DPP10: variants seen among roughly 807,000 people sequenced by gnomAD.
DPP10 encodes the protein dipeptidyl peptidase like 10.
In DPP10, 33 loss-of-function variants were observed where a neutral mutation model predicts 120.9. The ratio of observed to expected loss-of-function variants is 0.27; its 90% CI spans 0.21 to 0.37. The LOEUF is 0.37. DPP10 is among the 10% of genes least tolerant of loss of function. DPP10 has a pLI of 1.00. For missense variants in DPP10, 816 were observed against 942.8 expected, an observed-to-expected ratio of 0.87 and a Z score of 1.76; for synonymous variants, 337 against 326.1, an observed-to-expected ratio of 1.03 and a Z score of -0.36.
intron 1 of DPP10, among the ~76,000 whole-genome samples, chr2:114,497,230 C>T (rs181895673): frequency 1.4e-4 from 20 of 147,084 alleles, no homozygotes; most frequent in South Asian, 6.4e-4. Flanking sequence ...TATGCATGTA[C>T]GTGCGTATAC....
intron 1 of DPP10, among the ~76,000 whole-genome samples, chr2:115,017,427 CTGTGG>C: frequency 6.6e-6 from 1 of 152,042 alleles, no homozygotes. Context: ...GGTTCAACCA[CTGTGG>C]AAGAAAGTGT....
intron 1 of DPP10, among the ~76,000 whole-genome samples, chr2:114,729,769 C>T (rs908957151): frequency 6.6e-6 from 1 of 152,304 alleles, no homozygotes; most frequent in Non-Finnish European, 1.5e-5. Flanking sequence ...GGAACACGTC[C>T]TCAAACAATA....
At chr2:115,380,648 C>G (rs533326355) in intron 3 of DPP10, among the ~76,000 whole-genome samples, 41 of 140,338 alleles carry the variant, frequency 2.9e-4, no homozygotes, top group African/African-American at 9.0e-4. Flanking sequence ...TTCCTAGTCT[C>G]GATGGTCTTT....
chr2:115,133,145 G>GTGTGTGTA (rs1338395575), intron 1 of DPP10, among the ~76,000 whole-genome samples: 2 of 28,772 alleles, frequency 7.0e-5, no homozygotes, highest in African/African-American at 1.3e-4. Context: ...GTGTGTGTGT[G>GTGTGTGTA]TATATATATA....
chr2:114,456,548 A>T (rs1390155045), intron 1 of DPP10, among the ~76,000 whole-genome samples: 1 of 152,216 alleles, frequency 6.6e-6, no homozygotes, highest in Admixed American at 6.5e-5. Context: ...ACAGTCCTAT[A>T]AGACACACAT....
At chr2:115,660,494 C>T (rs1036891215) in intron 5 of DPP10, among the ~76,000 whole-genome samples, 13 of 152,024 alleles carry the variant, frequency 8.6e-5, no homozygotes, top group Non-Finnish European at 1.8e-4. Flanking sequence ...AAATAGAGCA[C>T]TTGGAACAGA....
chr2:114,649,410 G>A (rs1185926853), intron 1 of DPP10, among the ~76,000 whole-genome samples: 2 of 151,270 alleles, frequency 1.3e-5, no homozygotes, highest in Non-Finnish European at 2.9e-5. Flanking sequence ...GTGCAGTGGC[G>A]AGATCTCGGC....
At chr2:114,616,409 C>T (rs1693679434) in intron 1 of DPP10, among the ~76,000 whole-genome samples, 1 of 151,994 alleles carries the variant, frequency 6.6e-6, no homozygotes, top group South Asian at 2.1e-4. Flanking sequence ...CTACCATTTG[C>T]CAGGACAAGA....
Position 115,689,747 on chromosome 2 carries a change from C to T in DPP10, c.494+8C>T, listed in dbSNP as rs1335775320. On this transcript the variant is annotated splice_region_variant and intron_variant, in intron 6 of 25. Coordinates refer to ENST00000410059, the MANE Select transcript of DPP10 (RefSeq NM_020868.6). Reference sequence around the variant, plus strand: ...TTACAACATACACACTAGGTAAGTTCTTTGATTTTCTAGTTTTCATGAGCA... The same window carrying T: ...TTACAACATACACACTAGGTAAGTTTTTTGATTTTCTAGTTTTCATGAGCA... 6.2e-7 allele frequency: 1 copy of T among 1,603,208 alleles called. No homozygotes were observed. The highest frequency in any genetic ancestry group is 1.3e-5 in the African/African-American group (1 of 74,694).
intron 5 of DPP10, among the ~76,000 whole-genome samples, chr2:115,625,355 A>G (rs1243860995): frequency 2.0e-5 from 3 of 152,268 alleles, no homozygotes; most frequent in African/African-American, 7.2e-5. Flanking sequence ...TGCTAAGGAG[A>G]TACTTCTGAC....
At chr2:114,680,621 C>T (rs2060522) in intron 1 of DPP10, among the ~76,000 whole-genome samples, 5,041 of 152,000 alleles carry the variant, frequency 0.033, 128 homozygotes, top group Middle Eastern at 0.065. Flanking sequence ...AGGAGACCTA[C>T]GAATATAGTG....
intron 7 of DPP10, among the ~76,000 whole-genome samples, chr2:115,701,981 A>C (rs974055640): frequency 6.6e-6 from 1 of 152,078 alleles, no homozygotes; most frequent in African/African-American, 2.4e-5. Context: ...TAAGTAGCAA[A>C]GTGTAAGTTA....
intron 21 of DPP10, among the ~76,000 whole-genome samples, chr2:115,817,714 A>T (rs115214640): frequency 6.6e-6 from 1 of 152,046 alleles, no homozygotes; most frequent in African/African-American, 2.4e-5. Flanking sequence ...TAAGAAAGTG[A>T]TCATCCCAAA....
intron 3 of DPP10, among the ~76,000 whole-genome samples, chr2:115,374,882 T>A (rs1371427496): frequency 1.3e-5 from 2 of 152,230 alleles, no homozygotes; most frequent in African/African-American, 4.8e-5. Flanking sequence ...AGCTGGCCCT[T>A]GGGCCTGGCC....
chr2:115,137,082 G>GGT (rs903154560), intron 1 of DPP10, among the ~76,000 whole-genome samples: 2 of 152,064 alleles, frequency 1.3e-5, no homozygotes, highest in African/African-American at 2.4e-5. Flanking sequence ...CACGTGTGAG[G>GGT]GTGTGTGTGG....
chr2:115,334,230 G>GGTTTTTTTT (rs1553554643), intron 2 of DPP10, among the ~76,000 whole-genome samples: 1 of 56,412 alleles, frequency 1.8e-5, no homozygotes, highest in Admixed American at 2.5e-4. Flanking sequence ...AGCAGACTCT[G>GGTTTTTTTT]TTTTTTTTTT....
intron 5 of DPP10, among the ~76,000 whole-genome samples, chr2:115,669,261 AT>A (rs2089690118): frequency 6.6e-6 from 1 of 152,126 alleles, no homozygotes; most frequent in East Asian, 1.9e-4. Context: ...ATGATGTTTT[AT>A]TGTATTTAAG....
At chr2:115,273,231 T>G (rs940543167) in intron 1 of DPP10, among the ~76,000 whole-genome samples, 1 of 152,218 alleles carries the variant, frequency 6.6e-6, no homozygotes, top group Non-Finnish European at 1.5e-5. Context: ...TTTTATTCAT[T>G]GATTTATCAC....
chr2:114,468,844 A>C (rs10166952), intron 1 of DPP10, among the ~76,000 whole-genome samples: 18,781 of 152,152 alleles, frequency 0.12, 2,721 homozygotes, highest in African/African-American at 0.35. Context: ...AAATCATATC[A>C]TTGAAATATC....
Sources: allele counts gnomAD v4.1 joint callset (sites outside exome capture counted in the v4.1 genomes callset), GRCh38; gene constraint gnomAD v4.1.1; transcripts MANE v1.5; gene names NCBI Gene and HGNC (gene_info 2026-07-23, HGNC 2026-07-21).